Variants in SGCZ observed in about 807,000 individuals in gnomAD.
SGCZ encodes sarcoglycan zeta.
In SGCZ, 40 loss-of-function variants were observed where a neutral mutation model predicts 41.3. That is an observed-to-expected ratio of 0.97 (90% confidence interval 0.75 to 1.26). The LOEUF is 1.26. SGCZ is among the 50% of genes most tolerant of loss of function. The probability of loss-of-function intolerance (pLI) is 0.00; values close to 1 mark genes in which losing one functional copy is unlikely to be tolerated. For missense variants in SGCZ, 552 were observed against 369.8 expected (o/e 1.49, Z -4.04); for synonymous variants, 206 against 137.5 (o/e 1.50, Z -3.49).
intron 1 of SGCZ, among the ~76,000 whole-genome samples, chr8:14,885,045 T>G (rs1804736372): frequency 6.6e-6 from 1 of 152,212 alleles, no homozygotes; most frequent in Non-Finnish European, 1.5e-5. Context: ...GTATTTTATT[T>G]CTGTTTTCAA....
intron 1 of SGCZ, among the ~76,000 whole-genome samples, chr8:14,958,300 A>G (rs1350017444): frequency 6.6e-6 from 1 of 152,116 alleles, no homozygotes; most frequent in Non-Finnish European, 1.5e-5. Flanking sequence ...AAAATAGTTC[A>G]TAGTAGCTTT....
At chr8:14,993,787 A>T (rs1443200772) in intron 1 of SGCZ, among the ~76,000 whole-genome samples, 1 of 152,204 alleles carries the variant, frequency 6.6e-6, no homozygotes, top group Non-Finnish European at 1.5e-5. Context: ...GGTCAATGTT[A>T]ACAGACGCAA....
intron 1 of SGCZ, among the ~76,000 whole-genome samples, chr8:14,746,105 C>T (rs975485699): frequency 1.3e-5 from 2 of 151,782 alleles, no homozygotes; most frequent in African/African-American, 2.4e-5. Flanking sequence ...CCATAAATAT[C>T]GATCTATAAA....
chr8:15,010,247 A>C (rs1170798577), intron 1 of SGCZ, among the ~76,000 whole-genome samples: 2 of 152,240 alleles, frequency 1.3e-5, no homozygotes, highest in African/African-American at 4.8e-5. Flanking sequence ...TTCTTAATTT[A>C]AATAATTCTT....
At chr8:14,910,019 C>T (rs1799236230) in intron 1 of SGCZ, among the ~76,000 whole-genome samples, 1 of 152,082 alleles carries the variant, frequency 6.6e-6, no homozygotes, top group Non-Finnish European at 1.5e-5. Flanking sequence ...CTCTATCTAG[C>T]CACTTATGTC....
intron 1 of SGCZ, among the ~76,000 whole-genome samples, chr8:14,567,228 C>T (rs573146793): frequency 1.2e-3 from 184 of 152,206 alleles, no homozygotes; most frequent in Non-Finnish European, 2.2e-3. Flanking sequence ...TGCAGGCGCA[C>T]GGCTTGGGAC....
intron 2 of SGCZ, among the ~76,000 whole-genome samples, chr8:14,519,811 A>G (rs1348897086): frequency 6.6e-6 from 1 of 152,128 alleles, no homozygotes; most frequent in African/African-American, 2.4e-5. Flanking sequence ...TACACTTTCT[A>G]ACATTTTAAA....
At chr8:14,468,570 G>A (rs1801117236) in intron 2 of SGCZ, among the ~76,000 whole-genome samples, 1 of 152,016 alleles carries the variant, frequency 6.6e-6, no homozygotes, top group African/African-American at 2.4e-5. Flanking sequence ...AATATTGAAT[G>A]TGCAGCAAAT....
chr8:14,733,859 A>G (rs1337673604), intron 1 of SGCZ, among the ~76,000 whole-genome samples: 1 of 152,210 alleles, frequency 6.6e-6, no homozygotes, highest in African/African-American at 2.4e-5. Context: ...CTTTGAAACC[A>G]CATTTGTTAA....
intron 4 of SGCZ, among the ~76,000 whole-genome samples, chr8:14,181,932 A>G (rs1035006801): frequency 6.6e-6 from 1 of 152,234 alleles, no homozygotes; most frequent in Non-Finnish European, 1.5e-5. Context: ...TTGTTAACTC[A>G]GAGCCATGAG....
intron 3 of SGCZ, among the ~76,000 whole-genome samples, chr8:14,273,018 G>A (rs1294304475): frequency 2.6e-5 from 4 of 151,862 alleles, no homozygotes; most frequent in Non-Finnish European, 4.4e-5. Flanking sequence ...AACAAATTAA[G>A]TGAAATTTCT....
intron 2 of SGCZ, among the ~76,000 whole-genome samples, chr8:14,457,371 T>C (rs1800776499): frequency 6.6e-6 from 1 of 152,230 alleles, no homozygotes; most frequent in Admixed American, 6.5e-5. Flanking sequence ...AGGTGGATCA[T>C]GGTCCAGCGG....
chr8:14,213,646 T>G (rs774248474), intron 4 of SGCZ, among the ~76,000 whole-genome samples: 19 of 151,818 alleles, frequency 1.3e-4, no homozygotes, highest in Non-Finnish European at 2.6e-4. Context: ...ATGGTAAACG[T>G]AGAACAAATA....
In SGCZ at chr8:14,085,768, T is replaced by C. The variant is rs1801506563; in HGVS notation, c.*4675A>G. Among the ~76,000 whole-genome samples, 4 of 151,818 alleles carry C rather than the reference T, an allele frequency of 2.6e-5. No homozygotes were observed. Among genetic ancestry groups the C allele is most frequent in the African/African-American group, 9.7e-5 (4 of 41,430 alleles). Reference sequence around the variant, plus strand: ...GACCACACTAATGATGTTTCCCTTCTGAAACAAAAGCATTCCTTAATTTAT... The same window carrying C: ...GACCACACTAATGATGTTTCCCTTCCGAAACAAAAGCATTCCTTAATTTAT... On this transcript the variant is annotated 3_prime_UTR_variant, in exon 8 of 8. Coordinates refer to ENST00000382080, the MANE Select transcript of SGCZ (RefSeq NM_139167.4).
intron 1 of SGCZ, among the ~76,000 whole-genome samples, chr8:15,205,620 C>T (rs9918754): frequency 0.055 from 8,287 of 151,996 alleles, 254 homozygotes; most frequent in South Asian, 0.074. Context: ...GCTGGTGAGG[C>T]TGTGGAGAAA....
chr8:15,235,303 G>A lies in SGCZ; in HGVS notation c.39+2282C>T, dbSNP rs138631082. ...GTATTCCACAAGTGTAGTCAAAACT[G>A]CCAACATAAATTTATTCCCAAAACT... On this transcript the variant is annotated intron_variant, in intron 1 of 7. Coordinates refer to ENST00000382080, the MANE Select transcript of SGCZ (RefSeq NM_139167.4). 3.3e-5 allele frequency among the ~76,000 whole-genome samples: 5 copies of A among 152,256 alleles called. No individual in the cohort carries two copies. In the East Asian group the frequency reaches 9.7e-4, roughly 29 times the overall value.
At chr8:14,561,159 C>G (rs1017486277) in intron 1 of SGCZ, among the ~76,000 whole-genome samples, 4 of 152,092 alleles carry the variant, frequency 2.6e-5, no homozygotes, top group African/African-American at 7.2e-5. Flanking sequence ...AGTGATTATG[C>G]AAACTATCCT....
At chr8:14,495,920 G>T (rs1368536184) in intron 2 of SGCZ, among the ~76,000 whole-genome samples, 1 of 152,118 alleles carries the variant, frequency 6.6e-6, no homozygotes, top group Admixed American at 6.6e-5. Flanking sequence ...ACATTTGTTG[G>T]ATCTAGGGAC....
intron 2 of SGCZ, among the ~76,000 whole-genome samples, chr8:14,502,545 G>A (rs1027420192): frequency 2.6e-5 from 4 of 151,918 alleles, no homozygotes; most frequent in Non-Finnish European, 5.9e-5. Flanking sequence ...GAAAATTTTT[G>A]CGATCTATCC....
Sources: gnomAD v4.1 joint callset for allele counts (sites outside exome capture counted in the v4.1 genomes callset) on GRCh38, gnomAD v4.1.1 for gene constraint, MANE v1.5 for transcripts, NCBI Gene and HGNC (gene_info 2026-07-23, HGNC 2026-07-21) for gene names.